Variants in SGCZ observed in about 807,000 individuals in gnomAD.
The protein encoded by SGCZ is zeta-sarcoglycan.
A neutral mutation model predicts 41.3 loss-of-function variants in SGCZ; 40 were observed. The ratio of observed to expected loss-of-function variants is 0.97; its 90% confidence interval spans 0.75 to 1.26. The LOEUF (loss-of-function observed/expected upper bound fraction) is 1.26, where lower values mean the gene tolerates loss of function less well. SGCZ is among the 50% of genes most tolerant of loss of function. The probability of loss-of-function intolerance (pLI) is 0.00; values close to 1 mark genes in which losing one functional copy is unlikely to be tolerated. For synonymous variants in SGCZ, 206 were observed against 137.5 expected (o/e 1.50, Z -3.49); for missense variants, 552 against 369.8 (o/e 1.49, Z -4.04).
intron 2 of SGCZ, among the ~76,000 whole-genome samples, chr8:14,553,513 A>G (rs1163426935): frequency 1.3e-5 from 2 of 151,882 alleles, no homozygotes; most frequent in Non-Finnish European, 2.9e-5. Context: ...AATTTATTGG[A>G]AAAAAAATGG....
chr8:14,168,385 T>G (rs1804271914), intron 4 of SGCZ, among the ~76,000 whole-genome samples: 1 of 152,156 alleles, frequency 6.6e-6, no homozygotes, highest in African/African-American at 2.4e-5. Context: ...AATTTCATAT[T>G]GAATTGTAGC....
At chr8:14,826,425 T>C (rs1449982989) in intron 1 of SGCZ, among the ~76,000 whole-genome samples, 1 of 152,114 alleles carries the variant, frequency 6.6e-6, no homozygotes, top group Non-Finnish European at 1.5e-5. Flanking sequence ...GCAGCATCAT[T>C]TATAATCCTT....
chr8:14,468,992 A>T (rs961459799), intron 2 of SGCZ, among the ~76,000 whole-genome samples: 9 of 152,040 alleles, frequency 5.9e-5, no homozygotes, highest in Non-Finnish European at 1.2e-4. Context: ...TTTCCACTAT[A>T]ATAACCTACT....
At chr8:14,212,467 C>CAAAAAAAAAAA (rs33947419) in intron 4 of SGCZ, among the ~76,000 whole-genome samples, 1 of 97,974 alleles carries the variant, frequency 1.0e-5, no homozygotes, top group Non-Finnish European at 2.1e-5. Context: ...ATGCAAAAGA[C>CAAAAAAAAAAA]AAAAAAAAAA....
At chr8:14,407,360 T>G (rs1585467010) in intron 2 of SGCZ, among the ~76,000 whole-genome samples, 1 of 152,098 alleles carries the variant, frequency 6.6e-6, no homozygotes, top group Non-Finnish European at 1.5e-5. Context: ...TTTTAAAATA[T>G]TGTGTATCAT....
chr8:14,126,649 G>A (rs1385775379), intron 5 of SGCZ, among the ~76,000 whole-genome samples: 1 of 152,028 alleles, frequency 6.6e-6, no homozygotes, highest in East Asian at 1.9e-4. Flanking sequence ...ATATCCAAAG[G>A]AATACAAATC....
chr8:14,491,349 G>A (rs1160685092), intron 2 of SGCZ, among the ~76,000 whole-genome samples: 1 of 147,218 alleles, frequency 6.8e-6, no homozygotes, highest in Non-Finnish European at 1.5e-5. Context: ...CACACATCAG[G>A]GATCTCTCAG....
chr8:14,874,215 C>A (rs2130708918), intron 1 of SGCZ, among the ~76,000 whole-genome samples: 1 of 152,182 alleles, frequency 6.6e-6, no homozygotes, highest in East Asian at 1.9e-4. Flanking sequence ...TGGAAATATT[C>A]ATGCATTTCA....
intron 2 of SGCZ, among the ~76,000 whole-genome samples, chr8:14,325,547 A>C (rs1027489074): frequency 6.8e-6 from 1 of 147,694 alleles, no homozygotes; most frequent in African/African-American, 2.5e-5. Context: ...CATATATAAT[A>C]GATTATATAT....
chr8:14,554,645 A>G (rs1395443087), intron 2 of SGCZ, 87 bp downstream of exon 2: 15 of 1,078,414 alleles, frequency 1.4e-5, no homozygotes, highest in Non-Finnish European at 1.7e-5. Context: ...ATTGATATGA[A>G]TAACTTTTGA....
At chr8:15,215,851 T>C (rs1174606782) in intron 1 of SGCZ, among the ~76,000 whole-genome samples, 1 of 152,194 alleles carries the variant, frequency 6.6e-6, no homozygotes, top group Non-Finnish European at 1.5e-5. Context: ...GCAGCCTGTA[T>C]GCAAACAAAG....
chr8:14,365,605 T>G (rs1803674850), intron 2 of SGCZ, among the ~76,000 whole-genome samples: 1 of 152,140 alleles, frequency 6.6e-6, no homozygotes, highest in Non-Finnish European at 1.5e-5. Flanking sequence ...TCTTGAAAAG[T>G]TTAAGGTTAA....
intron 1 of SGCZ, among the ~76,000 whole-genome samples, chr8:14,772,085 CA>C (rs1425444184): frequency 6.6e-6 from 1 of 151,982 alleles, no homozygotes; most frequent in Non-Finnish European, 1.5e-5. Flanking sequence ...TTTTCACTTT[CA>C]ATATAGTATT....
chr8:14,294,550 G>GA (rs1312997400), intron 3 of SGCZ, among the ~76,000 whole-genome samples: 1 of 151,856 alleles, frequency 6.6e-6, no homozygotes, highest in Non-Finnish European at 1.5e-5. Flanking sequence ...AATTAAATGT[G>GA]AAAAAATTGT....
intron 4 of SGCZ, among the ~76,000 whole-genome samples, chr8:14,174,088 G>A (rs909298650): frequency 1.3e-5 from 2 of 151,812 alleles, no homozygotes; most frequent in Non-Finnish European, 2.9e-5. Context: ...AAAATATATA[G>A]AATAAATAGA....
intron 1 of SGCZ, among the ~76,000 whole-genome samples, chr8:14,637,092 T>C (rs1265792732): frequency 1.3e-5 from 2 of 151,662 alleles, no homozygotes; most frequent in African/African-American, 4.8e-5. Flanking sequence ...TCTCTCCACC[T>C]ATCATTTTTT....
At chr8:14,160,265 G>C (rs1248372142) in intron 5 of SGCZ, among the ~76,000 whole-genome samples, 1 of 152,160 alleles carries the variant, frequency 6.6e-6, no homozygotes, top group African/African-American at 2.4e-5. Flanking sequence ...TTTTAAAGCA[G>C]AGTGGCTTAT....
chr8:14,495,831 G>C (rs73190229), intron 2 of SGCZ, among the ~76,000 whole-genome samples: 2,660 of 152,114 alleles, frequency 0.017, 42 homozygotes, highest in East Asian at 0.082. Flanking sequence ...TGGGCCTAAA[G>C]TTTCAGGGGA....
At chr8:14,162,582 G>C (rs1430889159) in intron 5 of SGCZ, 1 of 152,184 alleles carries the variant, frequency 6.6e-6, no homozygotes, top group Non-Finnish European at 1.5e-5. Context: ...TCCTAACTCA[G>C]GACTCAAGAA....
Sources: gnomAD v4.1 joint callset for allele counts (sites outside exome capture counted in the v4.1 genomes callset) on GRCh38, gnomAD v4.1.1 for gene constraint, MANE v1.5 for transcripts, NCBI Gene and HGNC (gene_info 2026-07-23, HGNC 2026-07-21) for gene names.